DPY19L4: variants seen among roughly 807,000 people sequenced by gnomAD.
DPY19L4 encodes probable C-mannosyltransferase DPY19L4.
DPY19L4 carries 97 observed loss-of-function variants against 102.8 expected under a neutral mutation model. The ratio of observed to expected loss-of-function variants is 0.94; its 90% CI spans 0.80 to 1.12. The LOEUF (loss-of-function observed/expected upper bound fraction) is 1.12, where lower values mean the gene tolerates loss of function less well. DPY19L4 is among the 50% of genes most tolerant of loss of function. DPY19L4 has a pLI of 0.00. For missense variants in DPY19L4, 815 were observed against 850.4 expected, an observed-to-expected ratio of 0.96 and a Z score of 0.52; for synonymous variants, 252 against 283.1, an observed-to-expected ratio of 0.89 and a Z score of 1.10.
chr8:94,755,412 C>T (rs1482837175), intron 6 of DPY19L4, among the ~76,000 whole-genome samples: 1 of 152,102 alleles, frequency 6.6e-6, no homozygotes, highest in Non-Finnish European at 1.5e-5. Context: ...GGGCTGAAAT[C>T]TGGGGTACTC....
intron 6 of DPY19L4, among the ~76,000 whole-genome samples, chr8:94,753,053 G>T (rs1353188070): frequency 6.7e-6 from 1 of 149,206 alleles, no homozygotes; most frequent in Non-Finnish European, 1.5e-5. Flanking sequence ...TTTGCAACTT[G>T]ATTCCTTGTG....
intron 2 of DPY19L4, among the ~76,000 whole-genome samples, chr8:94,729,036 G>T (rs1354185855): frequency 6.6e-6 from 1 of 150,658 alleles, no homozygotes; most frequent in Non-Finnish European, 1.5e-5. Context: ...AAAAAAAAAA[G>T]AAAAAGCTGT....
chr8:94,792,861 A>C lies in DPY19L4; in HGVS notation c.*2951A>C, dbSNP rs561357292. ...CAGAGCAAGACTCCATCTCAAAAAG[A>C]AAAAAAAAGTAGAGATGGGATCTCT... On this transcript the variant is annotated 3_prime_UTR_variant, in exon 19 of 19. Transcript: ENST00000414645. 6.6e-6 allele frequency: 1 copy of C among 151,708 alleles called. No individual in the cohort carries two copies. The highest frequency in any genetic ancestry group is 2.1e-4 in the South Asian group (1 of 4,790). 9.4% of individuals were successfully genotyped at this position (151,708 alleles called of 1,614,324 possible). A position where few individuals can be genotyped will look rare whatever the true frequency, so the allele number is the denominator to read the frequency against.
At chr8:94,779,866 T>C (rs116765563) in intron 14 of DPY19L4, among the ~76,000 whole-genome samples, 1,642 of 152,212 alleles carry the variant, frequency 0.011, 24 homozygotes, top group Middle Eastern at 0.037. Context: ...TGATACATTA[T>C]CTTTAATAAT....
At chr8:94,788,152 CTT>C (rs1300892184) in intron 18 of DPY19L4, 100 bp downstream of exon 18, 3 of 580,464 alleles carry the variant, frequency 5.2e-6, no homozygotes, top group Non-Finnish European at 7.1e-6. Flanking sequence ...ATTTTTAGAA[CTT>C]AACTAAGAAT....
At chr8:94,721,358 T>G (rs1334154105) in intron 1 of DPY19L4, among the ~76,000 whole-genome samples, 1 of 152,248 alleles carries the variant, frequency 6.6e-6, no homozygotes, top group Non-Finnish European at 1.5e-5. Context: ...CTTGCTGACC[T>G]GTCCCTATGC....
intron 6 of DPY19L4, among the ~76,000 whole-genome samples, chr8:94,753,893 A>G (rs769841640): frequency 1.3e-5 from 2 of 151,924 alleles, no homozygotes; most frequent in Non-Finnish European, 2.9e-5. Flanking sequence ...AAGAAAGTAC[A>G]TTGTGCTACC....
intron 3 of DPY19L4, among the ~76,000 whole-genome samples, chr8:94,735,151 C>T (rs982775401): frequency 6.6e-6 from 1 of 152,150 alleles, no homozygotes; most frequent in Admixed American, 6.5e-5. Flanking sequence ...ACAGGCATCA[C>T]ATAGTATTAA....
Position 94,791,376 on chromosome 8 carries a change from A to C in DPY19L4, c.*1466A>C, listed in dbSNP as rs779024580. 15 of 152,138 alleles carry C rather than the reference A, an allele frequency of 9.9e-5. No individual in the cohort carries two copies. Among genetic ancestry groups the C allele is most frequent in the African/African-American group, 1.4e-4 (6 of 41,434 alleles). 9.4% of individuals were successfully genotyped at this position (152,138 alleles called of 1,614,324 possible). ...ACTCTCAGATGCTTTGCTCTTTTGG[A>C]GCTGAAGAATTGTTTGATGGTGATG... On this transcript the variant is annotated 3_prime_UTR_variant, in exon 19 of 19. Transcript: ENST00000414645.
intron 13 of DPY19L4, among the ~76,000 whole-genome samples, chr8:94,775,605 G>A (rs757247129): frequency 3.9e-5 from 6 of 152,222 alleles, no homozygotes; most frequent in Non-Finnish European, 8.8e-5. Flanking sequence ...GGGATGACAG[G>A]CATGTGCCAC....
At chr8:94,733,012 C>T (rs1314442660) in intron 2 of DPY19L4, among the ~76,000 whole-genome samples, 2 of 150,902 alleles carry the variant, frequency 1.3e-5, no homozygotes, top group African/African-American at 4.9e-5. Flanking sequence ...CATGGTTTCA[C>T]CATGTTACCC....
At chr8:94,782,751 T>C (rs1233228241) in intron 16 of DPY19L4, among the ~76,000 whole-genome samples, 1 of 152,244 alleles carries the variant, frequency 6.6e-6, no homozygotes, top group Non-Finnish European at 1.5e-5. Context: ...TTCTATTTTA[T>C]ACAAATAGTT....
At chr8:94,755,475 T>C in intron 6 of DPY19L4, among the ~76,000 whole-genome samples, 1 of 152,138 alleles carries the variant, frequency 6.6e-6, no homozygotes, top group East Asian at 1.9e-4. Flanking sequence ...AAGGCATGCC[T>C]TCTTCAATCT....
chr8:94,777,434 C>G (rs1287048406), intron 13 of DPY19L4, among the ~76,000 whole-genome samples: 1 of 152,196 alleles, frequency 6.6e-6, no homozygotes, highest in Non-Finnish European at 1.5e-5. Flanking sequence ...TTTCCTGCAT[C>G]CTCATCAGTA....
intron 6 of DPY19L4, among the ~76,000 whole-genome samples, chr8:94,743,351 A>G (rs1452726086): frequency 2.6e-5 from 4 of 151,946 alleles, no homozygotes; most frequent in African/African-American, 9.7e-5. Context: ...TTTAAAGTGA[A>G]GTGGGGTCAG....
In DPY19L4 at chr8:94,792,801, G is replaced by A. The variant is rs1813923186; in HGVS notation, c.*2891G>A. On this transcript the variant is annotated 3_prime_UTR_variant, in exon 19 of 19. Coordinates refer to ENST00000414645, the MANE Select transcript of DPY19L4 (RefSeq NM_181787.3). ...AGCGGCGAGGCGGAGCTTGCGGTGA[G>A]CCGAGATCATGCCGCTGCACTCCAG... 2 of 152,324 alleles carry A rather than the reference G, an allele frequency of 1.3e-5. No homozygotes were observed. Among genetic ancestry groups the A allele is most frequent in the Admixed American group, 6.5e-5 (1 of 15,278 alleles). 9.4% of individuals were successfully genotyped at this position (152,324 alleles called of 1,614,324 possible).
At chr8:94,767,600 A>T (rs751835074) in intron 11 of DPY19L4, among the ~76,000 whole-genome samples, 9 of 152,108 alleles carry the variant, frequency 5.9e-5, no homozygotes, top group Non-Finnish European at 8.8e-5. Context: ...CTCAACGAGG[A>T]GTCTTGTTGA....
intron 11 of DPY19L4, among the ~76,000 whole-genome samples, chr8:94,766,888 A>G (rs748168783): frequency 2.0e-5 from 3 of 151,878 alleles, no homozygotes; most frequent in Non-Finnish European, 4.4e-5. Flanking sequence ...TAAAAAAAAG[A>G]CAACCAAACA....
chr8:94,755,048 A>C (rs2130860056), intron 6 of DPY19L4, among the ~76,000 whole-genome samples: 1 of 152,234 alleles, frequency 6.6e-6, no homozygotes, highest in East Asian at 1.9e-4. Context: ...TCAGCCTCCC[A>C]AATTGCTAGG....
Sources: gnomAD v4.1 joint callset for allele counts (sites outside exome capture counted in the v4.1 genomes callset) on GRCh38, gnomAD v4.1.1 for gene constraint, MANE v1.5 for transcripts, NCBI Gene and HGNC (gene_info 2026-07-23, HGNC 2026-07-21) for gene names.